Variants in KCNIP2 observed in about 807,000 individuals in gnomAD.
KCNIP2 encodes potassium voltage-gated channel interacting protein 2, also known as A-type potassium channel modulatory protein KCNIP2.
In KCNIP2, 19 loss-of-function variants were observed where a neutral mutation model predicts 39.0. That is an observed-to-expected ratio of 0.49 (90% CI 0.34 to 0.71). The LOEUF is 0.71. KCNIP2 is among the 30% of genes least tolerant of loss of function. The probability of loss-of-function intolerance (pLI) is 0.01; values close to 1 mark genes in which losing one functional copy is unlikely to be tolerated. For synonymous variants in KCNIP2, 111 were observed against 131.2 expected, an observed-to-expected ratio of 0.85 and a Z score of 1.05; for missense variants, 261 against 346.0, an observed-to-expected ratio of 0.75 and a Z score of 1.95.
Position 101,839,697 on chromosome 10 carries a change from C to A in KCNIP2, c.73+3799G>T, listed in dbSNP as rs529172246. ...CTCCCTACCTCTGCGGAGCTCCTAA[C>A]CCACTTCGCTCACTTTTTGAAGGAT... On this transcript the variant is annotated intron_variant, in intron 1 of 9. Coordinates refer to ENST00000356640, the MANE Select transcript of KCNIP2 (RefSeq NM_173191.3). The A allele has an allele frequency of 8.5e-6, 13 of 1,531,908 alleles. No individual in the cohort carries two copies. In the East Asian group the frequency reaches 2.5e-4, roughly 29 times the overall value. 94.9% of individuals were successfully genotyped at this position (1,531,908 alleles called of 1,614,324 possible). A position where few individuals can be genotyped will look rare whatever the true frequency, so the allele number is the denominator to read the frequency against.
At chr10:101,832,346 G>T (rs1320392586) in intron 1 of KCNIP2, among the ~76,000 whole-genome samples, 5 of 148,910 alleles carry the variant, frequency 3.4e-5, no homozygotes, top group Non-Finnish European at 7.4e-5. Context: ...GTGTGTCTGT[G>T]TCTCCCAGCT....
rs1242771965 is a variant in KCNIP2 at position 101,838,385 on chromosome 10, C to T, written c.73+5111G>A. On this transcript the variant is annotated intron_variant, in intron 1 of 9. Coordinates refer to ENST00000356640, the MANE Select transcript of KCNIP2 (RefSeq NM_173191.3). This position sits in a 1 kb window ranked among gnomAD's most constrained non-coding sequence, Gnocchi z 4.0. ...GCCTTGTGGGGGAACCCACTCTATG[C>T]AACTGTCCCACCTTCCCCAGTTTAG... Among the ~76,000 whole-genome samples, 1 of 152,184 alleles carries T rather than the reference C, an allele frequency of 6.6e-6. No individual in the cohort carries two copies. The highest frequency in any genetic ancestry group is 3.2e-3 in the Middle Eastern group (1 of 316).
chr10:101,827,547 G>A lies in KCNIP2; in HGVS notation c.765+142C>T, dbSNP rs926311390. The A allele has an allele frequency of 4.7e-6, 6 of 1,284,400 alleles. No individual in the cohort carries two copies. The African/African-American group carries it at 7.3e-5, about 16-fold the overall frequency. The allele number at this position is 1,284,400 out of a possible 1,614,324, so 79.6% of individuals were successfully genotyped here. On this transcript the variant is annotated intron_variant, in intron 9 of 9. Coordinates refer to ENST00000356640, the MANE Select transcript of KCNIP2 (RefSeq NM_173191.3). ...CCCAGAGAGACCTGAGGTAGGGAAG[G>A]GGTAAGCCTCCCACAAAGGAATAGG...
chr10:101,842,264 G>A (rs1423335680), intron 1 of KCNIP2, among the ~76,000 whole-genome samples: 2 of 152,094 alleles, frequency 1.3e-5, no homozygotes, highest in Non-Finnish European at 1.5e-5. Flanking sequence ...TGTACCCAGG[G>A]TGACACAGTC....
chr10:101,829,990 C>A, intron 2 of KCNIP2, 93 bp from the exon 3 acceptor site: 1 of 1,449,212 alleles, frequency 6.9e-7, no homozygotes, highest in Non-Finnish European at 9.4e-7. Context: ...ACCTCACAAC[C>A]CAGCCCGTGC....
chr10:101,832,025 C>A (rs1022659825), intron 1 of KCNIP2, among the ~76,000 whole-genome samples: 16 of 152,200 alleles, frequency 1.1e-4, no homozygotes, highest in Non-Finnish European at 2.4e-4. Context: ...CCAAGGTGCC[C>A]AGAATCTTTC....
At chr10:101,834,358 T>C (rs2066082351) in intron 1 of KCNIP2, 1 of 399,096 alleles carries the variant, frequency 2.5e-6, no homozygotes, top group Non-Finnish European at 4.4e-6. Flanking sequence ...TCTCCAGCCC[T>C]TCCAGGTTCA....
intron 2 of KCNIP2, chr10:101,830,411 T>C: frequency 1.4e-5 from 18 of 1,291,832 alleles, no homozygotes; most frequent in Non-Finnish European, 1.8e-5. Context: ...CGCACGGAGT[T>C]GAAGACACTA....
Position 101,839,840 on chromosome 10 carries a change from T to G in KCNIP2, c.73+3656A>C, listed in dbSNP as rs200624141. On this transcript the variant is annotated intron_variant, in intron 1 of 9. Transcript: ENST00000356640. ...CGGCACCTGCGGGGGCATCGGTTCATGGTTTGGCGGCGAGCTCGGCGTCTA... is the reference window on the plus strand; with the variant it reads ...CGGCACCTGCGGGGGCATCGGTTCAGGGTTTGGCGGCGAGCTCGGCGTCTA... 1.2e-5 allele frequency: 19 copies of G among 1,600,984 alleles called. No homozygotes were observed. The Admixed American group carries it at 2.9e-4, about 24-fold the overall frequency.
intron 2 of KCNIP2, among the ~76,000 whole-genome samples, chr10:101,830,797 G>C (rs2065959019): frequency 7.0e-6 from 1 of 143,852 alleles, no homozygotes; most frequent in African/African-American, 2.6e-5. Flanking sequence ...CGGGCCTGGG[G>C]CACGCCCTCC....
intron 3 of KCNIP2, 49 bp from the exon 4 acceptor site, chr10:101,829,248 C>T (rs750942092): frequency 1.3e-6 from 2 of 1,563,816 alleles, no homozygotes; most frequent in South Asian, 1.2e-5. Flanking sequence ...CCTCCGCGAC[C>T]CCTCTTCAAA....
intron 1 of KCNIP2, among the ~76,000 whole-genome samples, chr10:101,832,094 A>T (rs889293086): frequency 6.6e-6 from 1 of 152,218 alleles, no homozygotes; most frequent in African/African-American, 2.4e-5. Context: ...TGGCCCCTTC[A>T]CAGTCTCTTC....
chr10:101,835,208 C>T (rs967848883), intron 1 of KCNIP2, among the ~76,000 whole-genome samples: 14 of 152,056 alleles, frequency 9.2e-5, no homozygotes, highest in African/African-American at 2.9e-4. Flanking sequence ...AGAATAATGG[C>T]GGAGAAGGCA....
intron 1 of KCNIP2, among the ~76,000 whole-genome samples, chr10:101,836,661 C>G (rs1426998879): frequency 2.0e-5 from 3 of 152,190 alleles, no homozygotes; most frequent in Non-Finnish European, 2.9e-5. Context: ...GAAACTCTGT[C>G]TCTACAAAAA....
chr10:101,839,641 T>C, intron 1 of KCNIP2: 1 of 962,410 alleles, frequency 1.0e-6, no homozygotes, highest in Middle Eastern at 2.1e-4. Context: ...GGAGGGATGT[T>C]GCTCCCTCCA....
chr10:101,829,991 C>G, intron 2 of KCNIP2, 94 bp from the exon 3 acceptor site: 2 of 1,444,020 alleles, frequency 1.4e-6, no homozygotes, highest in Non-Finnish European at 1.9e-6. Context: ...CCTCACAACC[C>G]AGCCCGTGCA....
At chr10:101,829,927 C>G in intron 2 of KCNIP2, 30 bp from the exon 3 acceptor site, 1 of 1,542,560 alleles carries the variant, frequency 6.5e-7, no homozygotes, top group East Asian at 2.5e-5. Flanking sequence ...ACCGAGAAAG[C>G]GGAAGACCCG....
intron 3 of KCNIP2, 139 bp from the exon 4 acceptor site, chr10:101,829,338 A>G: frequency 9.0e-7 from 1 of 1,112,972 alleles, no homozygotes; most frequent in Non-Finnish European, 1.2e-6. Context: ...CTGGGCCCCG[A>G]GCCAAGGACA....
At chr10:101,830,610 C>CA (rs140990794) in intron 2 of KCNIP2, among the ~76,000 whole-genome samples, 8,732 of 152,012 alleles carry the variant, frequency 0.057, 268 homozygotes, top group African/African-American at 0.068. Flanking sequence ...TTCAGCCGCA[C>CA]ACGCACACAG....
Sources: gnomAD v4.1 joint callset for allele counts (sites outside exome capture counted in the v4.1 genomes callset) on GRCh38, gnomAD v4.1.1 for gene constraint, Gnocchi (gnomAD v3.1) non-coding constraint, MANE v1.5 for transcripts, NCBI Gene and HGNC (gene_info 2026-07-23, HGNC 2026-07-21) for gene names.